PRIM2: variants seen among roughly 807,000 people sequenced by gnomAD.
The protein encoded by PRIM2 is DNA primase subunit 2, also known as DNA primase large subunit.
A neutral mutation model predicts 67.3 loss-of-function variants in PRIM2; 39 were observed. The ratio of observed to expected loss-of-function variants is 0.58; its 90% CI spans 0.45 to 0.76. PRIM2 has a LOEUF of 0.76. Among genes scored for constraint, PRIM2 ranks in the 30% least tolerant of loss-of-function variants. The probability of loss-of-function intolerance (pLI) is 0.00; values close to 1 mark genes in which losing one functional copy is unlikely to be tolerated. For synonymous variants in PRIM2, 143 were observed against 198.7 expected (o/e 0.72, Z 2.36); for missense variants, 398 against 598.7 (o/e 0.66, Z 3.50).
the PRIM2 span, among the ~76,000 whole-genome samples, chr6:57,242,950 A>G: frequency 2.0e-5 from 3 of 152,360 alleles, no homozygotes; most frequent in South Asian, 4.1e-4. Context: ...AGATGTTCTC[A>G]AACAATGTAG....
chr6:57,522,765 ATTTAG>A (rs1377051063), intron 8 of PRIM2, among the ~76,000 whole-genome samples: 1 of 152,226 alleles, frequency 6.6e-6, no homozygotes, highest in African/African-American at 2.4e-5. Flanking sequence ...GAACATCTCA[ATTTAG>A]TTTAAGCTAC....
intron 7 of PRIM2, among the ~76,000 whole-genome samples, chr6:57,393,986 A>T (rs1475117085): frequency 4.0e-5 from 6 of 151,804 alleles, no homozygotes; most frequent in African/African-American, 1.5e-4. Flanking sequence ...ATTTGGGTTT[A>T]TTTCTGGATT....
intron 10 of PRIM2, among the ~76,000 whole-genome samples, chr6:57,548,694 A>T (rs1214905140): frequency 7.2e-5 from 11 of 152,176 alleles, no homozygotes; most frequent in Non-Finnish European, 1.2e-4. Flanking sequence ...AAAGAATTGC[A>T]TTGGGAGTTT....
chr6:57,483,201 C>T (rs1221478551), intron 7 of PRIM2, among the ~76,000 whole-genome samples: 10 of 152,104 alleles, frequency 6.6e-5, no homozygotes, highest in Non-Finnish European at 1.2e-4. Flanking sequence ...AGCCACTGCG[C>T]CCGGATGATT....
chr6:57,409,716 ATG>A (rs1337719710), intron 7 of PRIM2, among the ~76,000 whole-genome samples: 1 of 152,128 alleles, frequency 6.6e-6, no homozygotes, highest in East Asian at 1.9e-4. Flanking sequence ...TATCTTGAAT[ATG>A]TGTGTGTGTT....
chr6:57,409,409 T>G (rs1208872860), intron 7 of PRIM2, among the ~76,000 whole-genome samples: 4 of 152,208 alleles, frequency 2.6e-5, no homozygotes, highest in Non-Finnish European at 5.9e-5. Flanking sequence ...TCTCCTGACC[T>G]CGTGATCGCC....
At chr6:57,291,582 A>G in the PRIM2 span, among the ~76,000 whole-genome samples, 1 of 152,216 alleles carries the variant, frequency 6.6e-6, no homozygotes, top group Non-Finnish European at 1.5e-5. Context: ...ATGAACATCG[A>G]TGCGAAAATC....
At chr6:57,525,525 A>G (rs1406265038) in intron 8 of PRIM2, among the ~76,000 whole-genome samples, 8 of 152,028 alleles carry the variant, frequency 5.3e-5, no homozygotes, top group Admixed American at 2.6e-4. Context: ...CCAGACTTCT[A>G]TTTCAGTTCC....
chr6:57,354,995 A>T (rs1768979216), intron 5 of PRIM2, among the ~76,000 whole-genome samples: 1 of 152,252 alleles, frequency 6.6e-6, no homozygotes, highest in Non-Finnish European at 1.5e-5. Context: ...CATTCACACC[A>T]TGCATAGAAA....
chr6:57,403,290 T>C (rs1369131580), intron 7 of PRIM2, among the ~76,000 whole-genome samples: 1 of 145,754 alleles, frequency 6.9e-6, no homozygotes, highest in Non-Finnish European at 1.5e-5. Context: ...CCAGTCTCGC[T>C]CTGTTGCCCA....
At chr6:57,368,524 T>G (rs1769441625) in intron 5 of PRIM2, among the ~76,000 whole-genome samples, 1 of 152,186 alleles carries the variant, frequency 6.6e-6, no homozygotes, top group African/African-American at 2.4e-5. Flanking sequence ...TCTTTACTTT[T>G]GATGCCAGTG....
At chr6:57,576,073 C>T (rs1163974869) in intron 10 of PRIM2, among the ~76,000 whole-genome samples, 1 of 152,124 alleles carries the variant, frequency 6.6e-6, no homozygotes. Flanking sequence ...CCACCATGCC[C>T]AGCCTAAATT....
chr6:57,592,759 C>G (rs1194674786), intron 10 of PRIM2, among the ~76,000 whole-genome samples: 6 of 151,448 alleles, frequency 4.0e-5, no homozygotes, highest in Non-Finnish European at 7.4e-5. Flanking sequence ...CCACTGCACT[C>G]CAGCTTGGGT....
At chr6:57,402,293 C>G (rs1417575800) in intron 7 of PRIM2, among the ~76,000 whole-genome samples, 2 of 152,192 alleles carry the variant, frequency 1.3e-5, no homozygotes, top group Non-Finnish European at 2.9e-5. Flanking sequence ...CTTGCCCAAA[C>G]ACACCTGTAG....
chr6:57,559,102 C>G (rs1405851590), intron 10 of PRIM2, among the ~76,000 whole-genome samples: 1 of 151,172 alleles, frequency 6.6e-6, no homozygotes. Flanking sequence ...TTTACTCTAG[C>G]CTGGGAGATA....
At chr6:57,475,855 A>G (rs1773465971) in intron 7 of PRIM2, among the ~76,000 whole-genome samples, 1 of 152,190 alleles carries the variant, frequency 6.6e-6, no homozygotes. Context: ...ACGTTTCCTT[A>G]AAGAACTTAG....
chr6:57,559,853 G>A (rs1228898817), intron 10 of PRIM2, among the ~76,000 whole-genome samples: 1 of 152,034 alleles, frequency 6.6e-6, no homozygotes, highest in Non-Finnish European at 1.5e-5. Flanking sequence ...ACTAAAAATG[G>A]TAATGATCAT....
At chr6:57,365,096 A>G (rs1769315720) in intron 5 of PRIM2, among the ~76,000 whole-genome samples, 1 of 151,830 alleles carries the variant, frequency 6.6e-6, no homozygotes, top group South Asian at 2.1e-4. Context: ...TGGTCTAAAG[A>G]ATTATAAAGA....
At chr6:57,630,205 G>A (rs1345733304) in intron 12 of PRIM2, among the ~76,000 whole-genome samples, 2 of 151,408 alleles carry the variant, frequency 1.3e-5, no homozygotes, top group African/African-American at 2.4e-5. Context: ...CATGATTAAA[G>A]TTCTTTAAGC....
Sources: allele counts gnomAD v4.1 joint callset (sites outside exome capture counted in the v4.1 genomes callset), GRCh38; gene constraint gnomAD v4.1.1; transcripts MANE v1.5; gene names NCBI Gene and HGNC (gene_info 2026-07-23, HGNC 2026-07-21).